CTNNA2: variants seen among roughly 807,000 people sequenced by gnomAD.
CTNNA2 encodes catenin alpha-2.
A neutral mutation model predicts 101.0 loss-of-function variants in CTNNA2; 42 were observed. That is an observed-to-expected ratio of 0.42 (90% CI 0.32 to 0.54). CTNNA2 has a LOEUF of 0.54. CTNNA2 is among the 20% of genes least tolerant of loss of function. The pLI is 0.14. For synonymous variants in CTNNA2, 450 were observed against 456.4 expected (o/e 0.99, Z 0.18); for missense variants, 871 against 1,223.1 (o/e 0.71, Z 4.29).
intron 7 of CTNNA2, among the ~76,000 whole-genome samples, chr2:80,056,475 G>A (rs1044914789): frequency 6.6e-6 from 1 of 152,190 alleles, no homozygotes; most frequent in Non-Finnish European, 1.5e-5. Flanking sequence ...GTGGCTGTAA[G>A]ATTTCCCAGA....
At chr2:80,177,924 C>G (rs1705500827) in intron 7 of CTNNA2, among the ~76,000 whole-genome samples, 1 of 152,246 alleles carries the variant, frequency 6.6e-6, no homozygotes, top group African/African-American at 2.4e-5. Context: ...GCTCAAAGTT[C>G]TGCCCACTGG....
intron 5 of CTNNA2, among the ~76,000 whole-genome samples, chr2:79,506,176 T>TATGTAA (rs1223932300): frequency 3.3e-5 from 5 of 152,170 alleles, no homozygotes; most frequent in Non-Finnish European, 7.3e-5. Context: ...TGTGCATTTG[T>TATGTAA]ATGTAAATAA....
intron 2 of CTNNA2, among the ~76,000 whole-genome samples, chr2:79,685,296 A>G (rs55688882): frequency 6.6e-6 from 1 of 152,312 alleles, no homozygotes; most frequent in Non-Finnish European, 1.5e-5. Context: ...GCCTGGCTTT[A>G]TGGAATTTAT....
At chr2:79,388,815 TC>T (rs1678135896) in intron 4 of CTNNA2, among the ~76,000 whole-genome samples, 1 of 152,140 alleles carries the variant, frequency 6.6e-6, no homozygotes, top group South Asian at 2.1e-4. Context: ...TATTTTGCTA[TC>T]CTCTCCCCAT....
intron 7 of CTNNA2, among the ~76,000 whole-genome samples, chr2:80,192,952 GGT>G (rs3067147): frequency 2.0e-5 from 3 of 151,284 alleles, no homozygotes; most frequent in Admixed American, 6.6e-5. Flanking sequence ...TGTGTATAGT[GGT>G]GTGTGTGTGT....
At chr2:80,566,493 G>A (rs17019339) in intron 12 of CTNNA2, among the ~76,000 whole-genome samples, 4,274 of 152,198 alleles carry the variant, frequency 0.028, 154 homozygotes, top group East Asian at 0.11. Flanking sequence ...GGCATAACTG[G>A]ATAAAACAGT....
chr2:80,437,760 A>T (rs960404946), intron 9 of CTNNA2, among the ~76,000 whole-genome samples: 3 of 152,354 alleles, frequency 2.0e-5, no homozygotes, highest in Admixed American at 2.0e-4. Context: ...GCACTTTGGG[A>T]GGCCAAGACA....
intron 1 of CTNNA2, among the ~76,000 whole-genome samples, chr2:79,629,100 C>T (rs1017308865): frequency 6.6e-6 from 1 of 152,188 alleles, no homozygotes; most frequent in African/African-American, 2.4e-5. Context: ...CGTCCCTTCC[C>T]CTTATTGCTT....
intron 2 of CTNNA2, among the ~76,000 whole-genome samples, chr2:79,210,064 T>A (rs1428748417): frequency 7.2e-6 from 1 of 139,504 alleles, no homozygotes; most frequent in African/African-American, 2.8e-5. Flanking sequence ...GATGCCCAAT[T>A]TGAGATTACA....
At chr2:79,673,625 T>C (rs1013473154) in intron 2 of CTNNA2, among the ~76,000 whole-genome samples, 4 of 152,220 alleles carry the variant, frequency 2.6e-5, no homozygotes, top group Non-Finnish European at 5.9e-5. Flanking sequence ...TATGATTTTG[T>C]AAATAAATGA....
intron 2 of CTNNA2, among the ~76,000 whole-genome samples, chr2:79,306,787 C>T (rs1676258408): frequency 1.3e-5 from 2 of 152,190 alleles, no homozygotes; most frequent in African/African-American, 4.8e-5. Context: ...AACCTGTTTT[C>T]ATCTGACTTT....
intron 13 of CTNNA2, among the ~76,000 whole-genome samples, chr2:80,575,750 T>C (rs1455374375): frequency 6.6e-6 from 1 of 152,010 alleles, no homozygotes; most frequent in Non-Finnish European, 1.5e-5. Flanking sequence ...TAGCCATCAT[T>C]CACTTACTAA....
chr2:80,179,139 G>T (rs1316440965), intron 7 of CTNNA2, among the ~76,000 whole-genome samples: 1 of 152,216 alleles, frequency 6.6e-6, no homozygotes, highest in Non-Finnish European at 1.5e-5. Flanking sequence ...TTATGAAAAG[G>T]AATGGCATTT....
chr2:80,589,912 G>GCA (rs1558621275), intron 15 of CTNNA2, among the ~76,000 whole-genome samples: 18 of 152,088 alleles, frequency 1.2e-4, no homozygotes, highest in Middle Eastern at 3.4e-3. Flanking sequence ...GTGTGCGCGC[G>GCA]CGCGCATGTA....
chr2:79,740,598 T>C (rs1167831506), intron 2 of CTNNA2, among the ~76,000 whole-genome samples: 1 of 152,166 alleles, frequency 6.6e-6, no homozygotes, highest in Non-Finnish European at 1.5e-5. Context: ...CATATATTCA[T>C]ATATATAAAT....
chr2:79,464,687 G>A (rs1208027025), intron 4 of CTNNA2, among the ~76,000 whole-genome samples: 2 of 152,158 alleles, frequency 1.3e-5, no homozygotes, highest in South Asian at 4.1e-4. Context: ...TAACTGGTGT[G>A]AGATGGTATC....
Position 80,647,915 on chromosome 2 carries a change from C to CTT in CTNNA2, c.*45_*46dup. On this transcript the variant is annotated 3_prime_UTR_variant, in exon 19 of 19. Transcript: ENST00000402739. ...AGAAAGCTTTTTCTTTCTTTTCTTT[C>CTT]TTTCTTTTTCTTTTTAATTCCATTT... 6.6e-7 allele frequency: 1 copy of CTT among 1,515,860 alleles called. No individual in the cohort carries two copies. The highest frequency in any genetic ancestry group is 8.8e-7 in the Non-Finnish European group (1 of 1,132,192). The allele number at this position is 1,515,860 out of a possible 1,614,324, so 93.9% of individuals were successfully genotyped here. A position where few individuals can be genotyped will look rare whatever the true frequency, so the allele number is the denominator to read the frequency against.
intron 7 of CTNNA2, among the ~76,000 whole-genome samples, chr2:80,326,523 G>T (rs1169601558): frequency 6.6e-6 from 1 of 152,130 alleles, no homozygotes; most frequent in Non-Finnish European, 1.5e-5. Flanking sequence ...TGCTCAGGGT[G>T]ATATGGGTAA....
chr2:79,946,183 G>A (rs1688481479), intron 7 of CTNNA2, among the ~76,000 whole-genome samples: 1 of 152,138 alleles, frequency 6.6e-6, no homozygotes, highest in Non-Finnish European at 1.5e-5. Context: ...AGAGGTTAAT[G>A]TGCTCAACAT....
Sources: allele counts gnomAD v4.1 joint callset (sites outside exome capture counted in the v4.1 genomes callset), GRCh38; gene constraint gnomAD v4.1.1; transcripts MANE v1.5; gene names NCBI Gene and HGNC (gene_info 2026-07-23, HGNC 2026-07-21).